The following NBPF10 variants were observed in gnomAD, a reference collection of about 807,000 sequenced individuals.
NBPF10 encodes NBPF member 10, also known as NBPF family member NBPF10.
NBPF10 carries 63 observed loss-of-function variants against 77.9 expected under a neutral mutation model. The observed-to-expected ratio is 0.81, with a 90% confidence interval of 0.66 to 1.00. The LOEUF (loss-of-function observed/expected upper bound fraction) is 1.00. NBPF10 is among the 50% of genes least tolerant of loss of function. The probability of loss-of-function intolerance (pLI) is 0.00; values close to 1 mark genes in which losing one functional copy is unlikely to be tolerated. For missense variants in NBPF10, 522 were observed against 679.8 expected, an observed-to-expected ratio of 0.77 and a Z score of 2.58; for synonymous variants, 146 against 264.5, an observed-to-expected ratio of 0.55 and a Z score of 4.35.
chr1:146,136,219 T>A, intron 7 of NBPF10, 134 bp downstream of exon 7: 1 of 806,132 alleles, frequency 1.2e-6, no homozygotes, highest in East Asian at 2.5e-5. Flanking sequence ...TAAATATTTG[T>A]GTGTAGCGAG....
chr1:146,126,400 C>A, exon 14 of NBPF10: 1 of 1,274,444 alleles, frequency 7.8e-7, no homozygotes, highest in East Asian at 2.3e-5. Context: ...CAGCAGCTCC[C>A]TGCTGAGCGT....
At position 146,125,840 on chromosome 1, in the gene NBPF10, C is replaced by G. The variant is rs587663277; in HGVS notation, c.2027-324G>C. Among the ~76,000 whole-genome samples, 240 of 150,228 alleles carry G rather than the reference C, an allele frequency of 1.6e-3. 8 individuals carry two copies. Among genetic ancestry groups the G allele is most frequent in the Non-Finnish European group, 2.8e-3 (189 of 67,294 alleles). ...AATGGTTGCTAGGAGAAAAACTGCACTATTCAGCCCTGTCTCATCAAATAC... is the reference window on the plus strand; with the variant it reads ...AATGGTTGCTAGGAGAAAAACTGCAGTATTCAGCCCTGTCTCATCAAATAC... On this transcript the variant is annotated intron_variant, in intron 14 of 89. Transcript: ENST00000583866.
exon 3 of NBPF10, chr1:146,141,698 C>A (rs782020881): frequency 7.9e-7 from 1 of 1,259,350 alleles, no homozygotes; most frequent in African/African-American, 1.4e-5. Context: ...CCGGCTCATC[C>A]GGAGTGAGGA....
intron 2 of NBPF10, among the ~76,000 whole-genome samples, 171 bp from the exon 3 acceptor site, chr1:146,141,989 A>G (rs1450166529): frequency 7.9e-6 from 1 of 126,636 alleles, no homozygotes; most frequent in Non-Finnish European, 1.8e-5. Context: ...AATGGTCTAC[A>G]GGCTTTCCCT....
intron 11 of NBPF10, among the ~76,000 whole-genome samples, chr1:146,129,945 C>G (rs2102187351): frequency 1.0e-5 from 1 of 97,122 alleles, no homozygotes; most frequent in East Asian, 2.3e-4. Flanking sequence ...GGTACATGTG[C>G]ACAACGTGCA....
intron 89 of NBPF10, among the ~76,000 whole-genome samples, 184 bp downstream of exon 89, chr1:146,066,996 G>T (rs369532969): frequency 4.2e-5 from 6 of 141,630 alleles, no homozygotes; most frequent in East Asian, 2.2e-4. Context: ...GGTACGTTAG[G>T]AAATGATAAG....
chr1:146,139,357 C>T (rs587643503), intron 5 of NBPF10, among the ~76,000 whole-genome samples: 182 of 151,956 alleles, frequency 1.2e-3, no homozygotes, highest in African/African-American at 4.2e-3. Flanking sequence ...GATCCACCCG[C>T]CTCGGCCTCC....
intron 15 of NBPF10, 124 bp downstream of exon 15, chr1:146,125,341 A>C (rs201772195): frequency 2.7e-4 from 73 of 275,456 alleles, no homozygotes; most frequent in Admixed American, 4.2e-4. Flanking sequence ...AACCAACAGC[A>C]ATGTCAGTAG....
chr1:146,135,403 G>C lies in NBPF10; in HGVS notation c.1210C>G (p.Pro404Ala). 4.5e-6 allele frequency: 6 copies of C among 1,323,502 alleles called. 2 individuals carry two copies. The highest frequency in any genetic ancestry group is 6.3e-6 in the Non-Finnish European group (6 of 949,558). 82.0% of individuals were successfully genotyped at this position (1,323,502 alleles called of 1,614,324 possible). A position where few individuals can be genotyped will look rare whatever the true frequency, so the allele number is the denominator to read the frequency against. The change falls in exon 8 of 90, where the codon CCG (proline) becomes GCG (alanine). Residue 404 changes from proline to alanine, a missense_variant. Physicochemically the swap from Pro to Ala is conservative, Grantham distance 27. Around this residue, in one of 9 missense-constraint regions of NBPF10, gnomAD observed 45 missense variants for 121.0 expected, o/e 0.37. Coordinates refer to ENST00000583866, the Ensembl canonical transcript of NBPF10. ...CCCTGGGACTTGTCCGGCTCATACG[G>C]AGTGAGGAGGGCCTGGAGATGCTCA...
At chr1:146,066,892 T>TAA (rs1655131447) in intron 89 of NBPF10, among the ~76,000 whole-genome samples, 2 of 148,070 alleles carry the variant, frequency 1.4e-5, no homozygotes, top group Non-Finnish European at 3.0e-5. Flanking sequence ...ACAGTGATCA[T>TAA]GAAAAGAGTG....
intron 7 of NBPF10, among the ~76,000 whole-genome samples, chr1:146,135,958 G>T (rs201865585): frequency 4.0e-5 from 6 of 149,734 alleles, no homozygotes; most frequent in African/African-American, 1.5e-4. Context: ...GGACAGGGTC[G>T]AGAAGGCAAC....
rs782499029 is a variant in NBPF10, at chr1:146,135,401, C to T, written c.1212G>A (p.Pro404=). The T allele has an allele frequency of 6.2e-5, 82 of 1,330,102 alleles. 17 individuals are homozygous for T. Among genetic ancestry groups the T allele is most frequent in the South Asian group, 8.5e-5 (7 of 82,558 alleles). The allele number at this position is 1,330,102 out of a possible 1,614,324, so 82.4% of individuals were successfully genotyped here. A position where few individuals can be genotyped will look rare whatever the true frequency, so the allele number is the denominator to read the frequency against. ...GCCCCTGGGACTTGTCCGGCTCATA[C>T]GGAGTGAGGAGGGCCTGGAGATGCT... Residue 404 remains proline (P), a synonymous_variant, in exon 8 of 90, where the codon CCG becomes CCA. Transcript: ENST00000583866.
At chr1:146,128,772 G>A (rs1553791394) in intron 11 of NBPF10, among the ~76,000 whole-genome samples, 1 of 151,094 alleles carries the variant, frequency 6.6e-6, no homozygotes, top group African/African-American at 2.5e-5. Flanking sequence ...CCAACAAATA[G>A]GAAGAAAGAA....
chr1:146,074,629 AAGAC>A (rs1655977656), intron 79 of NBPF10, 186 bp from the exon 80 acceptor site: 1 of 122,034 alleles, frequency 8.2e-6, no homozygotes, highest in Non-Finnish European at 1.4e-5. Flanking sequence ...ATGAAAGAGA[AAGAC>A]AGACAGAGAC....
At chr1:146,126,278 T>G (rs76836566) in exon 14 of NBPF10, 9 of 1,606,768 alleles carry the variant, frequency 5.6e-6, no homozygotes, top group Middle Eastern at 2.2e-4. Flanking sequence ...TGCTCCAATA[T>G]GTAAAAGGCA....
At chr1:146,137,131 C>T (rs1659798861) in intron 6 of NBPF10, among the ~76,000 whole-genome samples, 1 of 125,624 alleles carries the variant, frequency 8.0e-6, no homozygotes, top group Non-Finnish European at 1.8e-5. Context: ...TCATGTAATT[C>T]ACTGCAGCAA....
At chr1:146,066,661 G>C (rs587695198) in intron 89 of NBPF10, 100 bp from the exon 90 acceptor site, 112 of 514,564 alleles carry the variant, frequency 2.2e-4, no homozygotes, top group Non-Finnish European at 3.6e-4. Context: ...GGTTAGAAAA[G>C]AAAAAGGATA....
At chr1:146,123,520 A>G (rs1553788889) in intron 17 of NBPF10, among the ~76,000 whole-genome samples, 5 of 107,680 alleles carry the variant, frequency 4.6e-5, no homozygotes, top group African/African-American at 1.8e-4. Flanking sequence ...ACACACACAC[A>G]CACACAGAGA....
intron 88 of NBPF10, 51 bp downstream of exon 88, chr1:146,067,952 C>T (rs868917783): frequency 2.0e-5 from 13 of 641,314 alleles, no homozygotes; most frequent in South Asian, 6.1e-5. Flanking sequence ...AATATCACCC[C>T]TATCTGGAAG....
Sources: gnomAD v4.1 joint callset for allele counts (sites outside exome capture counted in the v4.1 genomes callset) on GRCh38, gnomAD v4.1.1 for gene constraint, gnomAD v4.1.1 regional missense constraint, MANE v1.5 for transcripts, NCBI Gene and HGNC (gene_info 2026-07-23, HGNC 2026-07-21) for gene names.